Variants in PRKD3 observed in about 807,000 individuals in gnomAD.
The protein encoded by PRKD3 is protein kinase D3.
A neutral mutation model predicts 99.2 loss-of-function variants in PRKD3; 47 were observed. The ratio of observed to expected loss-of-function variants is 0.47; its 90% CI spans 0.38 to 0.60. The LOEUF is 0.60. PRKD3 is among the 20% of genes least tolerant of loss of function. The pLI, the probability that PRKD3 is intolerant of heterozygous loss-of-function variation, is 0.00. For synonymous variants in PRKD3, 392 were observed against 355.4 expected, an observed-to-expected ratio of 1.10 and a Z score of -1.16; for missense variants, 1,019 against 1,088.4, an observed-to-expected ratio of 0.94 and a Z score of 0.90.
intron 16 of PRKD3, 142 bp downstream of exon 16, chr2:37,259,441 C>T (rs928955589): frequency 1.7e-5 from 9 of 532,964 alleles, no homozygotes; most frequent in Non-Finnish European, 3.1e-5. Context: ...TATTAATCCT[C>T]ACTGGTAGTT....
chr2:37,317,412 C>G (rs1671712468), intron 1 of PRKD3, among the ~76,000 whole-genome samples: 1 of 152,034 alleles, frequency 6.6e-6, no homozygotes, highest in Admixed American at 6.6e-5. Flanking sequence ...ATACCTAAAA[C>G]TTAAACATTA....
chr2:37,274,161 A>G (rs1426812699), intron 11 of PRKD3, among the ~76,000 whole-genome samples: 7 of 152,208 alleles, frequency 4.6e-5, no homozygotes, highest in Non-Finnish European at 1.0e-4. Context: ...TTGCCTGATC[A>G]TATAACAGAT....
chr2:37,275,221 CAAAA>C (rs1306163138), intron 10 of PRKD3, among the ~76,000 whole-genome samples: 2 of 151,490 alleles, frequency 1.3e-5, no homozygotes, highest in African/African-American at 2.4e-5. Flanking sequence ...AACAAACAAA[CAAAA>C]AAACACCTGC....
At chr2:37,271,795 C>T (rs1233098899) in intron 12 of PRKD3, among the ~76,000 whole-genome samples, 2 of 152,184 alleles carry the variant, frequency 1.3e-5, no homozygotes, top group Admixed American at 6.5e-5. Flanking sequence ...CAAAACCAGT[C>T]CCTGGTGCCA....
chr2:37,293,221 G>T lies in PRKD3; in HGVS notation c.339C>A (p.Arg113=), dbSNP rs779179821. The change falls in exon 3 of 19, where the codon CGC becomes CGA. Residue 113 remains arginine, a synonymous_variant. Transcript: ENST00000234179. Reference sequence around the variant, plus strand: ...AAATGTTTTCTGAGTTCATGTCATGGCGAAAGAGAAGAATTTTGTCATACA... The same window carrying T: ...AAATGTTTTCTGAGTTCATGTCATGTCGAAAGAGAAGAATTTTGTCATACA... ...FGMYDKILLF[R]HDMNSENILQ... is the part of the protein sequence containing the mutation. 1.2e-6 allele frequency: 2 copies of T among 1,603,022 alleles called. No individual in the cohort carries two copies. Among genetic ancestry groups the T allele is most frequent in the African/African-American group, 2.7e-5 (2 of 74,758 alleles).
intron 1 of PRKD3, among the ~76,000 whole-genome samples, chr2:37,321,821 C>T (rs1451061665): frequency 6.6e-6 from 1 of 152,102 alleles, no homozygotes; most frequent in Non-Finnish European, 1.5e-5. Context: ...TCTGGATAAG[C>T]AAGAGTCAAC....
At chr2:37,301,450 T>A (rs1670927103) in intron 2 of PRKD3, among the ~76,000 whole-genome samples, 1 of 152,172 alleles carries the variant, frequency 6.6e-6, no homozygotes, top group Non-Finnish European at 1.5e-5. Flanking sequence ...TTACATTTTT[T>A]TTTTTTGAGT....
intron 2 of PRKD3, among the ~76,000 whole-genome samples, chr2:37,314,736 G>T (rs1300698411): frequency 6.6e-6 from 1 of 151,612 alleles, no homozygotes; most frequent in African/African-American, 2.4e-5. Flanking sequence ...AATAAAAAGG[G>T]AACATTATAT....
At chr2:37,309,809 C>G (rs563038435) in intron 2 of PRKD3, among the ~76,000 whole-genome samples, 15 of 143,492 alleles carry the variant, frequency 1.0e-4, no homozygotes, top group Middle Eastern at 3.5e-3. Flanking sequence ...GATCGCGCCA[C>G]TGCATTCCAG....
At chr2:37,284,543 C>A (rs989259695) in intron 6 of PRKD3, among the ~76,000 whole-genome samples, 1 of 152,146 alleles carries the variant, frequency 6.6e-6, no homozygotes, top group South Asian at 2.1e-4. Context: ...AGAATGTGTA[C>A]ATCTGTTACT....
At chr2:37,298,167 T>C (rs10197856) in intron 2 of PRKD3, among the ~76,000 whole-genome samples, 6,815 of 152,314 alleles carry the variant, frequency 0.045, 169 homozygotes, top group African/African-American at 0.052. Context: ...TAGGCAATTA[T>C]TCAAAGTTCA....
chr2:37,275,898 G>T, intron 9 of PRKD3, 54 bp from the exon 10 acceptor site: 1 of 1,556,820 alleles, frequency 6.4e-7, no homozygotes, highest in Non-Finnish European at 8.7e-7. Flanking sequence ...CCTCCAAAGT[G>T]CTTGTACCTA....
chr2:37,259,562 A>C (rs761892657), intron 16 of PRKD3, 21 bp downstream of exon 16: 1 of 1,556,432 alleles, frequency 6.4e-7, no homozygotes, highest in Non-Finnish European at 8.8e-7. Flanking sequence ...ATCATTTAAA[A>C]GGTTCTGGAG....
chr2:37,267,193 A>G (rs2300888), intron 14 of PRKD3, among the ~76,000 whole-genome samples: 22,086 of 152,152 alleles, frequency 0.15, 2,242 homozygotes, highest in East Asian at 0.35. Flanking sequence ...AAGTATCCTA[A>G]GTATTTTAAG....
chr2:37,298,295 A>G (rs752284904), intron 2 of PRKD3, among the ~76,000 whole-genome samples: 11 of 152,160 alleles, frequency 7.2e-5, no homozygotes, highest in Non-Finnish European at 7.4e-5. Flanking sequence ...CATACCAAAT[A>G]CACATGAATG....
At chr2:37,254,354 G>A in intron 17 of PRKD3, 65 bp from the exon 18 acceptor site, 1 of 1,254,512 alleles carries the variant, frequency 8.0e-7, no homozygotes, top group Middle Eastern at 1.9e-4. Context: ...ACTTGTGACT[G>A]CCTAGAAGGC....
intron 2 of PRKD3, among the ~76,000 whole-genome samples, chr2:37,313,981 CT>C (rs1671555350): frequency 6.6e-6 from 1 of 152,070 alleles, no homozygotes; most frequent in South Asian, 2.1e-4. Context: ...ATATCAAAGG[CT>C]GTAAAAGTCC....
chr2:37,296,444 A>C (rs1670676332), intron 2 of PRKD3, among the ~76,000 whole-genome samples: 1 of 152,184 alleles, frequency 6.6e-6, no homozygotes, highest in Non-Finnish European at 1.5e-5. Flanking sequence ...ATGATAAAGA[A>C]TAAAGTCATT....
rs1321626217 is a variant in PRKD3 at position 37,324,522 on chromosome 2, T to TCGC, written c.-656+156_-656+158dup. Among the ~76,000 whole-genome samples the TCGC allele has an allele frequency of 2.0e-4, 25 of 126,126 alleles. 1 individual carries two copies. Among genetic ancestry groups the TCGC allele is most frequent in the East Asian group, 6.2e-4 (2 of 3,246 alleles). 82.7% of individuals were successfully genotyped at this position (126,126 alleles called of 152,430 possible). On this transcript the variant is annotated intron_variant, in intron 1 of 18. Coordinates refer to ENST00000234179, the MANE Select transcript of PRKD3 (RefSeq NM_005813.6). ...AGCCCGGCGCGGGGTCCGAGTCCTG[T>TCGC]CGCCGCCGCCGCCGCGTGCAGTTGG...
Sources: allele counts gnomAD v4.1 joint callset (sites outside exome capture counted in the v4.1 genomes callset), GRCh38; gene constraint gnomAD v4.1.1; transcripts MANE v1.5; gene names NCBI Gene and HGNC (gene_info 2026-07-23, HGNC 2026-07-21).